The following CFAP20DC variants were observed in gnomAD, a reference collection of about 807,000 sequenced individuals.
CFAP20DC encodes the protein CFAP20 domain containing, also known as protein CFAP20DC.
In CFAP20DC, 84 loss-of-function variants were observed where a neutral mutation model predicts 101.7. That is an observed-to-expected ratio of 0.83 (90% confidence interval 0.69 to 0.99). The LOEUF (loss-of-function observed/expected upper bound fraction) is 0.99, where lower values mean the gene tolerates loss of function less well. Ranked by LOEUF, CFAP20DC falls within the 50% of genes least tolerant of loss-of-function variation. The probability of loss-of-function intolerance (pLI) is 0.00; values close to 1 mark genes in which losing one functional copy is unlikely to be tolerated. For synonymous variants in CFAP20DC, 359 were observed against 351.2 expected, an observed-to-expected ratio of 1.02 and a Z score of -0.25; for missense variants, 1,007 against 970.3, an observed-to-expected ratio of 1.04 and a Z score of -0.50.
chr3:58,807,573 C>A (rs891453187), intron 14 of CFAP20DC, among the ~76,000 whole-genome samples: 4 of 152,234 alleles, frequency 2.6e-5, no homozygotes, highest in East Asian at 1.9e-4. Context: ...CTGTACATCA[C>A]CATCATCAAA....
intron 14 of CFAP20DC, among the ~76,000 whole-genome samples, chr3:58,827,761 G>T (rs1012818694): frequency 6.6e-6 from 1 of 152,128 alleles, no homozygotes; most frequent in Non-Finnish European, 1.5e-5. Context: ...GTTTACCTGG[G>T]CTTCCCCACC....
intron 5 of CFAP20DC, among the ~76,000 whole-genome samples, chr3:58,921,343 C>CT (rs1196600876): frequency 1.3e-5 from 2 of 151,880 alleles, no homozygotes; most frequent in Non-Finnish European, 2.9e-5. Context: ...AATTTTAAGA[C>CT]TTTTTTCTTT....
rs1194745645 is a variant in CFAP20DC at position 58,722,906 on chromosome 3, T to C, written c.198-5278A>G. Among the ~76,000 whole-genome samples, 1 of 152,206 alleles carries C rather than the reference T, an allele frequency of 6.6e-6. No individual in the cohort carries two copies. Among genetic ancestry groups the C allele is most frequent in the Non-Finnish European group, 1.5e-5 (1 of 68,040 alleles). Reference sequence around the variant, plus strand: ...GTCTGATTCAAATTCACCTTTCAAATCTTTACCTTGTCAATTTTGGTAACA... The same window carrying C: ...GTCTGATTCAAATTCACCTTTCAAACCTTTACCTTGTCAATTTTGGTAACA... On this transcript the variant is annotated intron_variant, in intron 3 of 3. Coordinates refer to the CFAP20DC transcript ENST00000486145. The surrounding 1 kb of genome is among the most constrained non-coding windows in gnomAD (Gnocchi z 4.5).
At chr3:59,021,915 C>T (rs895560731) in intron 4 of CFAP20DC, among the ~76,000 whole-genome samples, 2 of 152,056 alleles carry the variant, frequency 1.3e-5, no homozygotes, top group Non-Finnish European at 1.5e-5. Context: ...TCTTCGAGTA[C>T]ATATCTTTTT....
intron 7 of CFAP20DC, among the ~76,000 whole-genome samples, chr3:58,883,539 T>C (rs1260382295): frequency 6.6e-6 from 1 of 152,214 alleles, no homozygotes; most frequent in Non-Finnish European, 1.5e-5. Context: ...TTCTGCTCCA[T>C]CTTACACTTC....
intron 4 of CFAP20DC, chr3:59,017,546 T>C (rs2093715172): frequency 6.6e-6 from 1 of 152,176 alleles, no homozygotes; most frequent in Non-Finnish European, 1.5e-5. Context: ...ACCTATGACA[T>C]GGTTCCATCA....
chr3:58,889,234 C>CG (rs1237367104), intron 6 of CFAP20DC, among the ~76,000 whole-genome samples: 1 of 152,134 alleles, frequency 6.6e-6, no homozygotes, highest in Admixed American at 6.5e-5. Context: ...AACTGGGCAG[C>CG]GTAGTTCTAG....
chr3:58,768,576 C>T (rs573528280), intron 15 of CFAP20DC, among the ~76,000 whole-genome samples: 20 of 152,136 alleles, frequency 1.3e-4, no homozygotes, highest in South Asian at 4.1e-4. Flanking sequence ...TTTCTAGCAC[C>T]GCTCCCATGC....
rs72879795 is a variant in CFAP20DC, at chr3:58,718,016, C to T, written c.198-388G>A. ...AAGCTATGGAGAAATTCAAGTTTGG[C>T]TTCATTCATTCAGTTTATCCATTCA... On this transcript the variant is annotated intron_variant, in intron 3 of 3. Transcript: ENST00000486145. Among the ~76,000 whole-genome samples the T allele has an allele frequency of 4.8e-3, 729 of 152,308 alleles. 7 individuals are homozygous for T. The highest frequency in any genetic ancestry group is 0.017 in the African/African-American group (687 of 41,564).
intron 4 of CFAP20DC, among the ~76,000 whole-genome samples, chr3:59,003,609 T>C (rs1559974519): frequency 6.6e-6 from 1 of 152,178 alleles, no homozygotes; most frequent in Non-Finnish European, 1.5e-5. Flanking sequence ...AATCTCAACT[T>C]ACTAGGACAA....
At chr3:59,035,824 G>A (rs895034125) in intron 4 of CFAP20DC, among the ~76,000 whole-genome samples, 6 of 152,068 alleles carry the variant, frequency 3.9e-5, no homozygotes, top group Admixed American at 1.3e-4. Context: ...GAAAAAGAGG[G>A]ACTCCTCCCT....
intron 5 of CFAP20DC, among the ~76,000 whole-genome samples, chr3:58,932,496 G>C (rs1291100245): frequency 1.3e-5 from 2 of 152,058 alleles, no homozygotes; most frequent in Non-Finnish European, 2.9e-5. Flanking sequence ...TTGAAATGAA[G>C]GAAAAAATGT....
intron 14 of CFAP20DC, among the ~76,000 whole-genome samples, chr3:58,820,799 A>T (rs1466565283): frequency 2.0e-5 from 3 of 147,796 alleles, no homozygotes; most frequent in East Asian, 4.2e-4. Flanking sequence ...ACTACTTTAA[A>T]GTTCATATGG....
chr3:58,820,816 A>T (rs1307020840), intron 14 of CFAP20DC, among the ~76,000 whole-genome samples: 2 of 148,718 alleles, frequency 1.3e-5, no homozygotes, highest in Non-Finnish European at 2.9e-5. Context: ...ATGGAACCAA[A>T]AAAGAGCCCG....
intron 4 of CFAP20DC, among the ~76,000 whole-genome samples, chr3:59,004,826 A>G (rs1489047616): frequency 2.0e-5 from 3 of 152,166 alleles, no homozygotes; most frequent in Non-Finnish European, 4.4e-5. Flanking sequence ...TAAACTTGTG[A>G]TTTGAGCATC....
At chr3:58,870,752 G>T (rs2108526556) in intron 7 of CFAP20DC, among the ~76,000 whole-genome samples, 1 of 148,598 alleles carries the variant, frequency 6.7e-6, no homozygotes, top group South Asian at 2.1e-4. Flanking sequence ...GCCAGGCGCG[G>T]TGGCGGGCGC....
chr3:58,817,877 G>A (rs1470104193), intron 14 of CFAP20DC, among the ~76,000 whole-genome samples: 1 of 150,780 alleles, frequency 6.6e-6, no homozygotes. Flanking sequence ...AAAATGTTAA[G>A]GGCAGCCAGA....
Position 58,721,405 on chromosome 3 carries a change from G to GT in CFAP20DC, c.198-3778_198-3777insA, listed in dbSNP as rs2067471468. Among the ~76,000 whole-genome samples, 1 of 150,386 alleles carries GT rather than the reference G, an allele frequency of 6.6e-6. No individual in the cohort carries two copies. The highest frequency in any genetic ancestry group is 6.6e-5 in the Admixed American group (1 of 15,070). ...GACATTTTTTAAAAATTACAACCAT[G>GT]ATAGGGTACCTAGTGCTATGAATAT... is the stretch of plus-strand genomic sequence containing the variant. On this transcript the variant is annotated intron_variant, in intron 3 of 3. Coordinates refer to the CFAP20DC transcript ENST00000486145. The surrounding 1 kb of genome is among the most constrained non-coding windows in gnomAD (Gnocchi z 5.2).
At chr3:59,034,574 A>C (rs772806771) in intron 4 of CFAP20DC, among the ~76,000 whole-genome samples, 1 of 151,844 alleles carries the variant, frequency 6.6e-6, no homozygotes, top group African/African-American at 2.4e-5. Flanking sequence ...ACTTTAAACT[A>C]TCAAAGATCA....
Sources: gnomAD v4.1 joint callset for allele counts (sites outside exome capture counted in the v4.1 genomes callset) on GRCh38, gnomAD v4.1.1 for gene constraint, Gnocchi (gnomAD v3.1) non-coding constraint, MANE v1.5 for transcripts, NCBI Gene and HGNC (gene_info 2026-07-23, HGNC 2026-07-21) for gene names.